Variants in HECW2 observed in about 807,000 individuals in gnomAD.
The protein encoded by HECW2 is E3 ubiquitin-protein ligase HECW2.
A neutral mutation model predicts 175.2 loss-of-function variants in HECW2; 61 were observed. The observed-to-expected ratio is 0.35, with a 90% CI of 0.28 to 0.43. HECW2 has a LOEUF of 0.43. HECW2 is among the 20% of genes least tolerant of loss of function. The probability of loss-of-function intolerance (pLI) is 1.00; values close to 1 mark genes in which losing one functional copy is unlikely to be tolerated. For missense variants in HECW2, 1,524 were observed against 2,000.5 expected, an observed-to-expected ratio of 0.76 and a Z score of 4.54; for synonymous variants, 671 against 731.0, an observed-to-expected ratio of 0.92 and a Z score of 1.32.
At chr2:196,359,883 G>A (rs1172354693) in intron 2 of HECW2, among the ~76,000 whole-genome samples, 3 of 152,168 alleles carry the variant, frequency 2.0e-5, no homozygotes, top group African/African-American at 7.2e-5. Flanking sequence ...TAGGAGGATT[G>A]CTTGACGCTA....
At chr2:196,299,482 A>T (rs552870712) in intron 13 of HECW2, among the ~76,000 whole-genome samples, 2 of 152,356 alleles carry the variant, frequency 1.3e-5, no homozygotes, top group Non-Finnish European at 2.9e-5. Context: ...ACTACAGGCC[A>T]CAGTTGTATC....
At chr2:196,328,353 C>A (rs1010405664) in intron 5 of HECW2, among the ~76,000 whole-genome samples, 2 of 152,144 alleles carry the variant, frequency 1.3e-5, no homozygotes, top group Non-Finnish European at 2.9e-5. Context: ...TGGTTCCTAA[C>A]AAAACAAATT....
chr2:196,488,752 G>GT (rs1409725101), intron 1 of HECW2, among the ~76,000 whole-genome samples: 3 of 151,904 alleles, frequency 2.0e-5, no homozygotes, highest in African/African-American at 7.3e-5. Flanking sequence ...TCCTAATACA[G>GT]TTTTTTTATT....
At chr2:196,584,821 C>T (rs1165463844) in intron 1 of HECW2, among the ~76,000 whole-genome samples, 2 of 152,192 alleles carry the variant, frequency 1.3e-5, no homozygotes, top group Non-Finnish European at 1.5e-5. Context: ...CTCAGTTACA[C>T]AACATTCTCT....
intron 1 of HECW2, among the ~76,000 whole-genome samples, chr2:196,530,814 C>G (rs1454304922): frequency 6.6e-6 from 1 of 152,194 alleles, no homozygotes; most frequent in African/African-American, 2.4e-5. Flanking sequence ...AAATAAACTT[C>G]TATCTTGTTT....
intron 1 of HECW2, among the ~76,000 whole-genome samples, chr2:196,481,952 C>T (rs1686856250): frequency 6.6e-6 from 1 of 152,164 alleles, no homozygotes; most frequent in Non-Finnish European, 1.5e-5. Context: ...TCCAAGTTCT[C>T]ACTTTTTCTG....
chr2:196,345,119 A>T (rs1312732982), intron 2 of HECW2, among the ~76,000 whole-genome samples: 3 of 152,224 alleles, frequency 2.0e-5, no homozygotes, highest in Non-Finnish European at 4.4e-5. Context: ...GAATGGAAAG[A>T]CATAACCCAT....
At chr2:196,469,384 C>T (rs1263527818) in intron 1 of HECW2, among the ~76,000 whole-genome samples, 2 of 151,950 alleles carry the variant, frequency 1.3e-5, no homozygotes, top group East Asian at 3.9e-4. Context: ...AGAGGGGCTA[C>T]CTCTGCGGCA....
At chr2:196,344,303 A>G (rs1188044996) in intron 2 of HECW2, among the ~76,000 whole-genome samples, 1 of 134,766 alleles carries the variant, frequency 7.4e-6, no homozygotes, top group Non-Finnish European at 1.5e-5. Context: ...CCAAAGGCAT[A>G]GACCTTGAGA....
intron 2 of HECW2, chr2:196,361,692 G>A (rs550571007): frequency 8.2e-5 from 46 of 558,082 alleles, no homozygotes; most frequent in Non-Finnish European, 9.8e-5. Context: ...CCAGCTGGGA[G>A]GGGACCACTT....
At chr2:196,257,295 A>G (rs540845649) in intron 18 of HECW2, among the ~76,000 whole-genome samples, 1 of 152,314 alleles carries the variant, frequency 6.6e-6, no homozygotes, top group Non-Finnish European at 1.5e-5. Context: ...GGGGGTGAAA[A>G]TAATTGGTCA....
At chr2:196,210,958 G>GT (rs1200984182) in intron 28 of HECW2, among the ~76,000 whole-genome samples, 1 of 134,976 alleles carries the variant, frequency 7.4e-6, no homozygotes, top group Non-Finnish European at 1.7e-5. Flanking sequence ...AAGTTGTTAT[G>GT]TTTTTAAAAA....
chr2:196,589,073 CCTGTAATCCCAGCTACTTGGG>C (rs528282033), intron 1 of HECW2, among the ~76,000 whole-genome samples: 41 of 152,202 alleles, frequency 2.7e-4, no homozygotes, highest in African/African-American at 9.2e-4. Context: ...GTGGTGCGTG[CCTGTAATCCCAGCTACTTGGG>C]AGACGGAGGC....
chr2:196,377,846 T>C (rs1401037372), intron 2 of HECW2, among the ~76,000 whole-genome samples: 2 of 152,148 alleles, frequency 1.3e-5, no homozygotes, highest in African/African-American at 4.8e-5. Context: ...TCAATACTGC[T>C]AAGCCAAATT....
At chr2:196,201,872 GCC>G (rs1275303322) in intron 28 of HECW2, among the ~76,000 whole-genome samples, 1 of 152,136 alleles carries the variant, frequency 6.6e-6, no homozygotes, top group African/African-American at 2.4e-5. Flanking sequence ...CTGAGGGCCT[GCC>G]TCATGGCTTA....
chr2:196,339,395 A>G (rs973361949), intron 3 of HECW2, among the ~76,000 whole-genome samples: 10 of 152,236 alleles, frequency 6.6e-5, no homozygotes, highest in African/African-American at 1.2e-4. Context: ...GGGATGGGTA[A>G]GTATGTGAAA....
chr2:196,222,815 A>G (rs965507745), intron 23 of HECW2, among the ~76,000 whole-genome samples: 2 of 151,910 alleles, frequency 1.3e-5, no homozygotes, highest in East Asian at 1.9e-4. Context: ...TTTAATATTT[A>G]TTTTATTTTA....
chr2:196,416,800 ACAG>A (rs1695268235), intron 2 of HECW2, among the ~76,000 whole-genome samples: 1 of 152,224 alleles, frequency 6.6e-6, no homozygotes. Context: ...TCTTATAAAA[ACAG>A]CCCATAAACA....
intron 13 of HECW2, among the ~76,000 whole-genome samples, chr2:196,294,232 T>C (rs1690719745): frequency 1.3e-5 from 2 of 152,220 alleles, no homozygotes; most frequent in Admixed American, 1.3e-4. Context: ...AATAAATATT[T>C]ATTGCATAAT....
Sources: gnomAD v4.1 joint callset for allele counts (sites outside exome capture counted in the v4.1 genomes callset) on GRCh38, gnomAD v4.1.1 for gene constraint, MANE v1.5 for transcripts, NCBI Gene and HGNC (gene_info 2026-07-23, HGNC 2026-07-21) for gene names.